The following GRID2 variants were observed in gnomAD, a reference collection of about 807,000 sequenced individuals.
GRID2 encodes the protein glutamate receptor ionotropic, delta-2.
GRID2 carries 33 observed loss-of-function variants against 114.8 expected under a neutral mutation model. The ratio of observed to expected loss-of-function variants is 0.29; its 90% CI spans 0.22 to 0.38. The LOEUF (loss-of-function observed/expected upper bound fraction) is 0.38, where lower values mean the gene tolerates loss of function less well. Among genes scored for constraint, GRID2 ranks in the 10% least tolerant of loss-of-function variants. The pLI, the probability that GRID2 is intolerant of heterozygous loss-of-function variation, is 1.00. For synonymous variants in GRID2, 505 were observed against 449.9 expected (o/e 1.12, Z -1.55); for missense variants, 1,184 against 1,257.7 (o/e 0.94, Z 0.89).
intron 9 of GRID2, among the ~76,000 whole-genome samples, chr4:93,406,582 G>T (rs1417539777): frequency 6.6e-6 from 1 of 152,146 alleles, no homozygotes; most frequent in East Asian, 1.9e-4. Context: ...AATCGCCAGA[G>T]CTCACACATG....
At chr4:93,404,160 G>C (rs1766182060) in intron 9 of GRID2, among the ~76,000 whole-genome samples, 1 of 152,228 alleles carries the variant, frequency 6.6e-6, no homozygotes, top group Admixed American at 6.6e-5. Flanking sequence ...TCTGTGAAAT[G>C]TTCAGAATAG....
At position 93,509,676 on chromosome 4, in the gene GRID2, G is replaced by A. The variant is rs148982193; in HGVS notation, c.1998-5540G>A. ...TATGTTTTCACAATTCATGCTTTTA[G>A]AAACTAAGTGTTTGCTCAGTGCTGG... On this transcript the variant is annotated intron_variant, in intron 12 of 15. Coordinates refer to ENST00000282020, the MANE Select transcript of GRID2 (RefSeq NM_001510.4). Among the ~76,000 whole-genome samples the A allele has an allele frequency of 2.0e-5, 3 of 152,196 alleles. No individual in the cohort carries two copies. The East Asian group carries it at 5.8e-4, about 29-fold the overall frequency.
intron 13 of GRID2, among the ~76,000 whole-genome samples, chr4:93,584,085 C>A (rs1279679926): frequency 6.6e-6 from 1 of 152,066 alleles, no homozygotes; most frequent in Non-Finnish European, 1.5e-5. Flanking sequence ...GAAATAAAAA[C>A]AGTTTCATAA....
chr4:93,035,342 T>C (rs1724837488), intron 2 of GRID2, among the ~76,000 whole-genome samples: 1 of 152,088 alleles, frequency 6.6e-6, no homozygotes, highest in Non-Finnish European at 1.5e-5. Flanking sequence ...TTGAGCTCCT[T>C]GGCTCAAGTG....
At chr4:92,564,203 G>C (rs1351559085) in intron 1 of GRID2, among the ~76,000 whole-genome samples, 1 of 151,432 alleles carries the variant, frequency 6.6e-6, no homozygotes, top group African/African-American at 2.4e-5. Context: ...ATCCATATGG[G>C]GAAAAATAAA....
At chr4:93,749,558 AGAGGCAAACC>A (rs1326999835) in intron 14 of GRID2, among the ~76,000 whole-genome samples, 1 of 152,204 alleles carries the variant, frequency 6.6e-6, no homozygotes, top group African/African-American at 2.4e-5. Context: ...AAAGGACCAG[AGAGGCAAACC>A]GAGGCTGTTA....
At chr4:92,964,853 C>A (rs1753036123) in intron 2 of GRID2, among the ~76,000 whole-genome samples, 1 of 151,986 alleles carries the variant, frequency 6.6e-6, no homozygotes, top group Non-Finnish European at 1.5e-5. Flanking sequence ...ACCACTGAAA[C>A]TTTCTCCATA....
chr4:92,639,599 T>C (rs1184030514), intron 2 of GRID2, among the ~76,000 whole-genome samples: 1 of 151,676 alleles, frequency 6.6e-6, no homozygotes, highest in African/African-American at 2.4e-5. Flanking sequence ...GATAATCACA[T>C]AGAGTTGTGA....
chr4:92,439,379 C>T (rs1375301523), intron 1 of GRID2, among the ~76,000 whole-genome samples: 1 of 152,102 alleles, frequency 6.6e-6, no homozygotes, highest in Non-Finnish European at 1.5e-5. Context: ...GTTGCAATGG[C>T]TTGGCTTGGG....
At chr4:92,539,431 A>G (rs536149143) in intron 1 of GRID2, among the ~76,000 whole-genome samples, 1 of 152,086 alleles carries the variant, frequency 6.6e-6, no homozygotes, top group Non-Finnish European at 1.5e-5. Context: ...TAGAAATATA[A>G]TTTTTCTTAT....
At chr4:92,687,094 C>T (rs1733941988) in intron 2 of GRID2, among the ~76,000 whole-genome samples, 1 of 152,014 alleles carries the variant, frequency 6.6e-6, no homozygotes, top group South Asian at 2.1e-4. Flanking sequence ...TGCAAATCTT[C>T]CATTTTCTGG....
chr4:92,986,771 C>A (rs1199477737), intron 2 of GRID2, among the ~76,000 whole-genome samples: 1 of 151,990 alleles, frequency 6.6e-6, no homozygotes, highest in East Asian at 1.9e-4. Flanking sequence ...TACTGTATAA[C>A]AATAAAATAA....
At chr4:92,451,956 T>C (rs1281614735) in intron 1 of GRID2, among the ~76,000 whole-genome samples, 1 of 152,202 alleles carries the variant, frequency 6.6e-6, no homozygotes, top group Non-Finnish European at 1.5e-5. Flanking sequence ...GATTTGGCTT[T>C]CTCCACTGTA....
intron 2 of GRID2, among the ~76,000 whole-genome samples, chr4:93,010,284 A>C (rs1229082789): frequency 6.6e-6 from 1 of 152,090 alleles, no homozygotes; most frequent in East Asian, 1.9e-4. Flanking sequence ...TATTTATATC[A>C]ATCATTAATA....
intron 2 of GRID2, among the ~76,000 whole-genome samples, chr4:93,047,526 C>CTT (rs34067693): frequency 6.6e-6 from 1 of 151,048 alleles, no homozygotes; most frequent in African/African-American, 2.4e-5. Flanking sequence ...TTATACCATC[C>CTT]TTTTTTTTTA....
intron 2 of GRID2, among the ~76,000 whole-genome samples, chr4:92,874,946 T>C (rs1745513799): frequency 6.6e-6 from 1 of 152,154 alleles, no homozygotes; most frequent in Non-Finnish European, 1.5e-5. Flanking sequence ...TTTACAATCA[T>C]TCACATAATT....
At chr4:93,361,965 T>G (rs1461345446) in intron 8 of GRID2, among the ~76,000 whole-genome samples, 1 of 152,098 alleles carries the variant, frequency 6.6e-6, no homozygotes, top group Non-Finnish European at 1.5e-5. Flanking sequence ...ATGCATTAGC[T>G]ATTTATCCCG....
At chr4:92,617,570 G>A (rs1013442848) in intron 2 of GRID2, among the ~76,000 whole-genome samples, 16 of 151,662 alleles carry the variant, frequency 1.1e-4, no homozygotes, top group African/African-American at 3.9e-4. Context: ...TGTCTGCATG[G>A]TAATGTATTG....
chr4:92,375,732 C>T (rs1216639918), intron 1 of GRID2, among the ~76,000 whole-genome samples: 1 of 152,110 alleles, frequency 6.6e-6, no homozygotes, highest in East Asian at 1.9e-4. Context: ...CCATTATTCA[C>T]ACACTGCATC....
Sources: gnomAD v4.1 joint callset for allele counts (sites outside exome capture counted in the v4.1 genomes callset) on GRCh38, gnomAD v4.1.1 for gene constraint, MANE v1.5 for transcripts, NCBI Gene and HGNC (gene_info 2026-07-23, HGNC 2026-07-21) for gene names.